Variants in ANO10 observed in about 807,000 individuals in gnomAD.
ANO10 encodes the protein anoctamin 10.
In ANO10, 77 loss-of-function variants were observed where a neutral mutation model predicts 74.7. That is an observed-to-expected ratio of 1.03 (90% CI 0.86 to 1.25). The LOEUF (loss-of-function observed/expected upper bound fraction) is 1.25. ANO10 is among the 50% of genes most tolerant of loss of function. The pLI is 0.00. For synonymous variants in ANO10, 279 were observed against 284.9 expected, an observed-to-expected ratio of 0.98 and a Z score of 0.21; for missense variants, 721 against 778.1, an observed-to-expected ratio of 0.93 and a Z score of 0.87.
At chr3:43,690,396 A>T (rs545802658) in intron 1 of ANO10, 5 of 152,432 alleles carry the variant, frequency 3.3e-5, no homozygotes, top group African/African-American at 9.6e-5. Flanking sequence ...TAGAGAGTCG[A>T]GTGGGAGGGA....
At chr3:43,397,306 T>C (rs1401448094) in intron 12 of ANO10, among the ~76,000 whole-genome samples, 2 of 152,214 alleles carry the variant, frequency 1.3e-5, no homozygotes, top group African/African-American at 4.8e-5. Context: ...TTTAAACATA[T>C]GGAATACAGT....
intron 11 of ANO10, among the ~76,000 whole-genome samples, chr3:43,532,216 A>G (rs1476911493): frequency 6.6e-6 from 1 of 152,248 alleles, no homozygotes; most frequent in African/African-American, 2.4e-5. Context: ...AAGAGGCAAT[A>G]GTCACTGATG....
intron 4 of ANO10, among the ~76,000 whole-genome samples, chr3:43,594,970 G>A (rs1161230477): frequency 6.6e-6 from 1 of 152,148 alleles, no homozygotes; most frequent in African/African-American, 2.4e-5. Flanking sequence ...TACCATCAGA[G>A]AATACTATGA....
At chr3:43,370,367 A>C (rs1214301322) in intron 12 of ANO10, among the ~76,000 whole-genome samples, 1 of 152,150 alleles carries the variant, frequency 6.6e-6, no homozygotes, top group Admixed American at 6.5e-5. Context: ...CCAGGCTTGC[A>C]AGTCTCTGAT....
chr3:43,544,073 A>G (rs1575389184), intron 11 of ANO10, among the ~76,000 whole-genome samples: 1 of 152,336 alleles, frequency 6.6e-6, no homozygotes, highest in East Asian at 1.9e-4. Context: ...TTTTTTAGAA[A>G]TTGGAGACAT....
At chr3:43,519,039 C>G (rs1284089965) in intron 11 of ANO10, among the ~76,000 whole-genome samples, 1 of 152,074 alleles carries the variant, frequency 6.6e-6, no homozygotes, top group Non-Finnish European at 1.5e-5. Context: ...CAGGGGGCAT[C>G]ATGGAACCTG....
intron 12 of ANO10, among the ~76,000 whole-genome samples, chr3:43,423,259 T>C (rs1240019050): frequency 1.3e-5 from 2 of 152,100 alleles, no homozygotes; most frequent in Admixed American, 6.5e-5. Context: ...TCTGCCAGAG[T>C]ATCTATTTTA....
intron 11 of ANO10, among the ~76,000 whole-genome samples, chr3:43,466,423 T>C (rs958994186): frequency 6.0e-5 from 7 of 116,750 alleles, no homozygotes; most frequent in African/African-American, 1.8e-4. Flanking sequence ...CATAAGAATA[T>C]AGATATATAA....
intron 12 of ANO10, among the ~76,000 whole-genome samples, chr3:43,377,323 T>C (rs1223646523): frequency 6.6e-6 from 1 of 152,138 alleles, no homozygotes; most frequent in African/African-American, 2.4e-5. Flanking sequence ...CTGGTTCAAG[T>C]GATCTGCCTG....
intron 1 of ANO10, among the ~76,000 whole-genome samples, chr3:43,620,603 C>G (rs906633952): frequency 6.6e-6 from 1 of 152,124 alleles, no homozygotes; most frequent in African/African-American, 2.4e-5. Context: ...CATGGTGGAA[C>G]CCCATCTCTA....
At chr3:43,545,679 T>C (rs1431360602) in intron 11 of ANO10, among the ~76,000 whole-genome samples, 1 of 152,230 alleles carries the variant, frequency 6.6e-6, no homozygotes, top group Non-Finnish European at 1.5e-5. Context: ...CTGATAGTTT[T>C]GATGAACATT....
intron 12 of ANO10, among the ~76,000 whole-genome samples, chr3:43,408,190 T>C (rs981304652): frequency 6.6e-6 from 1 of 152,226 alleles, no homozygotes; most frequent in African/African-American, 2.4e-5. Context: ...GTTAGGTATC[T>C]GAATTCTTAA....
intron 11 of ANO10, among the ~76,000 whole-genome samples, chr3:43,501,138 G>A (rs1397682091): frequency 6.6e-6 from 1 of 152,186 alleles, no homozygotes; most frequent in Non-Finnish European, 1.5e-5. Context: ...AAGAAGCATG[G>A]CACCAGCATC....
At chr3:43,448,715 G>A (rs375701590) in intron 11 of ANO10, among the ~76,000 whole-genome samples, 12 of 152,178 alleles carry the variant, frequency 7.9e-5, no homozygotes, top group African/African-American at 2.9e-4. Context: ...ATACCAAGGA[G>A]CATGGCTGCT....
At chr3:43,629,461 T>G (rs2083525224) in intron 1 of ANO10, among the ~76,000 whole-genome samples, 2 of 152,214 alleles carry the variant, frequency 1.3e-5, no homozygotes, top group South Asian at 4.1e-4. Context: ...AATGAGTCAC[T>G]GGGGAATTCT....
intron 1 of ANO10, chr3:43,652,828 A>C (rs1294487410): frequency 1.3e-5 from 2 of 151,838 alleles, no homozygotes; most frequent in East Asian, 3.8e-4. Flanking sequence ...TATATTAAAA[A>C]TACTGTTAAT....
chr3:43,677,778 G>A (rs180915826), intron 1 of ANO10, among the ~76,000 whole-genome samples: 1 of 152,272 alleles, frequency 6.6e-6, no homozygotes, highest in African/African-American at 2.4e-5. Context: ...TGGTCTCAGG[G>A]TAGTCAGACT....
intron 11 of ANO10, among the ~76,000 whole-genome samples, chr3:43,507,122 G>T (rs2077325147): frequency 6.6e-6 from 1 of 152,122 alleles, no homozygotes; most frequent in South Asian, 2.1e-4. Context: ...GGTGCTTTTT[G>T]TTAGCAGGTT....
intron 11 of ANO10, among the ~76,000 whole-genome samples, chr3:43,443,184 CA>C (rs2093186819): frequency 6.6e-6 from 1 of 152,196 alleles, no homozygotes; most frequent in Admixed American, 6.5e-5. Flanking sequence ...ACTAATATCA[CA>C]AAAGGCCTAG....
Sources: gnomAD v4.1 joint callset for allele counts (sites outside exome capture counted in the v4.1 genomes callset) on GRCh38, gnomAD v4.1.1 for gene constraint, MANE v1.5 for transcripts, NCBI Gene and HGNC (gene_info 2026-07-23, HGNC 2026-07-21) for gene names.